SESTD1: variants seen among roughly 807,000 people sequenced by gnomAD.
SESTD1 encodes SEC14 and spectrin domain containing 1.
SESTD1 carries 43 observed loss-of-function variants against 101.7 expected under a neutral mutation model. That is an observed-to-expected ratio of 0.42 (90% CI 0.33 to 0.55). The LOEUF is 0.55. SESTD1 is among the 20% of genes least tolerant of loss of function. The pLI is 0.07. For missense variants in SESTD1, 647 were observed against 815.1 expected, an observed-to-expected ratio of 0.79 and a Z score of 2.51; for synonymous variants, 283 against 286.8, an observed-to-expected ratio of 0.99 and a Z score of 0.13.
At chr2:179,154,689 T>C (rs988765388) in intron 5 of SESTD1, among the ~76,000 whole-genome samples, 1 of 152,082 alleles carries the variant, frequency 6.6e-6, no homozygotes, top group African/African-American at 2.4e-5. Context: ...TTCAGAAATA[T>C]GCAGACTACT....
In SESTD1 at chr2:179,215,423, T is replaced by A. The variant is rs1396542884; in HGVS notation, c.-25-23557A>T. 3.7e-5 allele frequency among the ~76,000 whole-genome samples: 5 copies of A among 134,174 alleles called. No individual in the cohort carries two copies. The East Asian group carries it at 9.9e-4, about 27-fold the overall frequency. The allele number at this position is 134,174 out of a possible 152,430, so 88.0% of individuals were successfully genotyped here. On this transcript the variant is annotated intron_variant, in intron 1 of 17. Transcript: ENST00000428443. ...AATAAATTCCGGGACACATACACCC[T>A]CCCAAGATTAAACCAGGGAGAAGTT...
chr2:179,203,817 C>A (rs1242373184), intron 1 of SESTD1, among the ~76,000 whole-genome samples: 1 of 133,924 alleles, frequency 7.5e-6, no homozygotes, highest in Non-Finnish European at 1.6e-5. Context: ...CCTGCAGTCC[C>A]AGCTACTAAG....
intron 13 of SESTD1, 21 bp downstream of exon 13, chr2:179,121,749 T>G: frequency 6.5e-7 from 1 of 1,545,526 alleles, no homozygotes; most frequent in South Asian, 1.3e-5. Context: ...TAGTAAAAAG[T>G]AATTAACGGT....
intron 1 of SESTD1, among the ~76,000 whole-genome samples, chr2:179,241,945 A>T (rs2047160578): frequency 6.6e-6 from 1 of 151,340 alleles, no homozygotes; most frequent in South Asian, 2.1e-4. Context: ...AAAAAAAATT[A>T]AGAACAGGCA....
chr2:179,209,933 G>C lies in SESTD1; in HGVS notation c.-25-18067C>G, dbSNP rs1435988328. 1.5e-5 allele frequency among the ~76,000 whole-genome samples: 2 copies of C among 133,696 alleles called. 1 individual carries two copies. Among genetic ancestry groups the C allele is most frequent in the Non-Finnish European group, 3.2e-5 (2 of 62,240 alleles). 87.7% of individuals were successfully genotyped at this position (133,696 alleles called of 152,430 possible). On this transcript the variant is annotated intron_variant, in intron 1 of 17. Coordinates refer to ENST00000428443, the MANE Select transcript of SESTD1 (RefSeq NM_178123.5). ...GAAAAAAAAGCTGGTTCTTTGAAGA[G>C]ATAAACAAAAATCAATAGACCATTA... is the stretch of plus-strand genomic sequence containing the variant.
At chr2:179,148,089 C>G (rs896723333) in intron 7 of SESTD1, among the ~76,000 whole-genome samples, 53 of 152,142 alleles carry the variant, frequency 3.5e-4, no homozygotes, top group African/African-American at 1.2e-3. Flanking sequence ...TACATTCAAA[C>G]CGTTTGTTTT....
chr2:179,108,906 T>G lies in SESTD1; in HGVS notation c.*993A>C, dbSNP rs1297080577. 1.3e-5 allele frequency: 2 copies of G among 152,106 alleles called. No individual in the cohort carries two copies. The highest frequency in any genetic ancestry group is 2.4e-5 in the African/African-American group (1 of 41,432). The allele number at this position is 152,106 out of a possible 1,614,324, so 9.4% of individuals were successfully genotyped here. A position where few individuals can be genotyped will look rare whatever the true frequency, so the allele number is the denominator to read the frequency against. On this transcript the variant is annotated 3_prime_UTR_variant, in exon 18 of 18. Coordinates refer to ENST00000428443, the MANE Select transcript of SESTD1 (RefSeq NM_178123.5). ...GACTATAATGAGAAACTAAATTTTA[T>G]TAACAATTGCTATTTTAGTTCCTGA...
intron 1 of SESTD1, among the ~76,000 whole-genome samples, chr2:179,248,014 C>T (rs754894709): frequency 2.6e-5 from 4 of 151,668 alleles, no homozygotes; most frequent in Non-Finnish European, 5.9e-5. Flanking sequence ...ATAATTTAAG[C>T]TCCCATCTCA....
rs1168299443 is a variant in SESTD1 at position 179,116,631 on chromosome 2, C to G, written c.1647+37G>C. ...AATCATGCAGAAAGCTATTCAAACACTGAGCTTGTGGAAAAGGAAGATAAC... is the reference window on the plus strand; with the variant it reads ...AATCATGCAGAAAGCTATTCAAACAGTGAGCTTGTGGAAAAGGAAGATAAC... On this transcript the variant is annotated intron_variant, in intron 15 of 17. Transcript: ENST00000428443. 2.5e-6 allele frequency: 4 copies of G among 1,613,808 alleles called. No homozygotes were observed. The African/African-American group carries it at 4.0e-5, about 16-fold the overall frequency.
chr2:179,136,450 A>G (rs1461881839), intron 9 of SESTD1, among the ~76,000 whole-genome samples: 2 of 152,238 alleles, frequency 1.3e-5, no homozygotes, highest in African/African-American at 2.4e-5. Context: ...AATAAAAAGA[A>G]CGAGTTTTAA....
At chr2:179,111,419 C>T (rs1253576662) in intron 17 of SESTD1, among the ~76,000 whole-genome samples, 6 of 152,030 alleles carry the variant, frequency 3.9e-5, no homozygotes, top group Non-Finnish European at 8.8e-5. Context: ...CAGGTAATTC[C>T]CACACCCCCA....
At chr2:179,221,378 C>T (rs1433051443) in intron 1 of SESTD1, among the ~76,000 whole-genome samples, 1 of 151,620 alleles carries the variant, frequency 6.6e-6, no homozygotes, top group East Asian at 1.9e-4. Context: ...TTTGGGAGGC[C>T]GAGGCAGGTG....
intron 3 of SESTD1, among the ~76,000 whole-genome samples, 200 bp from the exon 4 acceptor site, chr2:179,176,738 A>T (rs2046019039): frequency 6.6e-6 from 1 of 152,200 alleles, no homozygotes. Context: ...ATTTTAGGAA[A>T]TGTTCACAAT....
At chr2:179,179,444 A>G (rs2105482099) in intron 3 of SESTD1, among the ~76,000 whole-genome samples, 1 of 152,328 alleles carries the variant, frequency 6.6e-6, no homozygotes, top group African/African-American at 2.4e-5. Flanking sequence ...AGACAATGTT[A>G]GTGGATTTCC....
At chr2:179,174,603 T>C in intron 4 of SESTD1, 2 of 372,876 alleles carry the variant, frequency 5.4e-6, no homozygotes, top group South Asian at 4.3e-5. Context: ...GAAGCACTTT[T>C]TTTTCAAAGA....
intron 1 of SESTD1, among the ~76,000 whole-genome samples, chr2:179,262,221 C>T (rs1003808467): frequency 6.6e-6 from 1 of 152,084 alleles, no homozygotes; most frequent in Non-Finnish European, 1.5e-5. Context: ...GGAATAGTAA[C>T]AAAAGCTACC....
At position 179,264,760 on chromosome 2, in the gene SESTD1, C is replaced by G. The variant is rs1032619711; in HGVS notation, c.-287G>C. The G allele has an allele frequency of 1.3e-5, 2 of 151,824 alleles. No individual in the cohort carries two copies. The highest frequency in any genetic ancestry group is 4.8e-5 in the African/African-American group (2 of 41,396). 9.4% of individuals were successfully genotyped at this position (151,824 alleles called of 1,614,324 possible). ...GACCTCTCGGCACCCGCGGCCCGAG[C>G]CGCGTCCGCGCGACCCCGCGCGCGC... On this transcript the variant is annotated 5_prime_UTR_variant, in exon 1 of 18. Transcript: ENST00000428443.
At chr2:179,122,146 A>T (rs1364501811) in intron 12 of SESTD1, among the ~76,000 whole-genome samples, 1 of 152,230 alleles carries the variant, frequency 6.6e-6, no homozygotes, top group Non-Finnish European at 1.5e-5. Context: ...TCTCATGCCA[A>T]ATTCTCCCTA....
chr2:179,182,395 G>GAAC (rs1364896098), intron 3 of SESTD1, among the ~76,000 whole-genome samples: 1 of 152,062 alleles, frequency 6.6e-6, no homozygotes, highest in Non-Finnish European at 1.5e-5. Context: ...GGCTTCCCAA[G>GAAC]AACAATTGGA....
Sources: allele counts gnomAD v4.1 joint callset (sites outside exome capture counted in the v4.1 genomes callset), GRCh38; gene constraint gnomAD v4.1.1; transcripts MANE v1.5; gene names NCBI Gene and HGNC (gene_info 2026-07-23, HGNC 2026-07-21).